Variants in WDFY4 observed in about 807,000 individuals in gnomAD.
WDFY4 encodes WD repeat- and FYVE domain-containing protein 4.
WDFY4 carries 169 observed loss-of-function variants against 351.9 expected under a neutral mutation model. That is an observed-to-expected ratio of 0.48 (90% CI 0.42 to 0.55). The LOEUF is 0.55. Among genes scored for constraint, WDFY4 ranks in the 20% least tolerant of loss-of-function variants. The pLI, the probability that WDFY4 is intolerant of heterozygous loss-of-function variation, is 0.00. For missense variants in WDFY4, 3,803 were observed against 3,935.6 expected (o/e 0.97, Z 0.90); for synonymous variants, 1,622 against 1,574.6 (o/e 1.03, Z -0.71).
chr10:48,941,610 A>T (rs1840767883), intron 47 of WDFY4, among the ~76,000 whole-genome samples, 196 bp from the exon 48 acceptor site: 1 of 152,214 alleles, frequency 6.6e-6, no homozygotes, highest in Non-Finnish European at 1.5e-5. Context: ...CCTAACCTTC[A>T]GCAGGCCAGG....
intron 20 of WDFY4, 98 bp downstream of exon 20, chr10:48,786,968 T>TA: frequency 9.4e-7 from 1 of 1,065,244 alleles, no homozygotes; most frequent in Non-Finnish European, 1.4e-6. Flanking sequence ...AGCTCAGCGT[T>TA]AAAGTCAGTC....
intron 51 of WDFY4, among the ~76,000 whole-genome samples, chr10:48,947,693 C>T (rs73296699): frequency 0.035 from 5,360 of 152,190 alleles, 339 homozygotes; most frequent in African/African-American, 0.12. Context: ...AGTTCCTTTC[C>T]CCTCTTCCCC....
chr10:48,874,843 T>C (rs2069932930), intron 41 of WDFY4, among the ~76,000 whole-genome samples: 1 of 152,192 alleles, frequency 6.6e-6, no homozygotes, highest in East Asian at 1.9e-4. Flanking sequence ...TCTTCTTTGG[T>C]AATTACCGTA....
chr10:48,946,836 C>G (rs760769195), intron 50 of WDFY4, 24 bp from the exon 51 acceptor site: 3 of 1,537,674 alleles, frequency 2.0e-6, no homozygotes, highest in Non-Finnish European at 2.6e-6. Context: ...GGAAGCAGCC[C>G]TCAAGCATGT....
chr10:48,954,772 A>G (rs1841505285), intron 51 of WDFY4, among the ~76,000 whole-genome samples: 1 of 152,236 alleles, frequency 6.6e-6, no homozygotes, highest in Non-Finnish European at 1.5e-5. Context: ...ATTAATTTTG[A>G]AACAAATGTA....
At chr10:48,905,065 T>C (rs181986181) in intron 47 of WDFY4, among the ~76,000 whole-genome samples, 9 of 152,304 alleles carry the variant, frequency 5.9e-5, no homozygotes, top group South Asian at 4.1e-4. Flanking sequence ...CTGGGCTCCA[T>C]TGTCTCTGCA....
At position 48,810,743 on chromosome 10, in the gene WDFY4, C is replaced by T. The variant is rs375957483; in HGVS notation, c.5044+8C>T. 9.4e-5 allele frequency: 142 copies of T among 1,513,662 alleles called. No homozygotes were observed. Among genetic ancestry groups the T allele is most frequent in the Middle Eastern group, 8.7e-4 (5 of 5,726 alleles). The allele number at this position is 1,513,662 out of a possible 1,614,324, so 93.8% of individuals were successfully genotyped here. ...GCGTGGATATTGTAATGGGTGAGCA[C>T]GTGGCTGTCTCCAGGGAGTGGGGCA... On this transcript the variant is annotated splice_region_variant and intron_variant, in intron 29 of 61. Coordinates refer to ENST00000325239, the MANE Select transcript of WDFY4 (RefSeq NM_001394531.1).
intron 13 of WDFY4, among the ~76,000 whole-genome samples, chr10:48,773,742 C>T (rs565904058): frequency 6.6e-5 from 10 of 152,318 alleles, no homozygotes; most frequent in Middle Eastern, 3.4e-3. Flanking sequence ...CTTCAGCAAA[C>T]GCTTCTCCCC....
At chr10:48,736,190 C>A in intron 11 of WDFY4, 120 bp downstream of exon 11, 1 of 1,166,200 alleles carries the variant, frequency 8.6e-7, no homozygotes, top group African/African-American at 1.5e-5. Flanking sequence ...CAGGCAGTAC[C>A]CTGTATTAGG....
At chr10:48,817,062 G>A (rs772871803) in intron 31 of WDFY4, among the ~76,000 whole-genome samples, 183 bp from the exon 32 acceptor site, 7 of 152,226 alleles carry the variant, frequency 4.6e-5, no homozygotes, top group African/African-American at 1.2e-4. Flanking sequence ...CCCTTACAAC[G>A]TCTGCACATA....
At chr10:48,787,874 CT>C (rs879621224) in intron 20 of WDFY4, among the ~76,000 whole-genome samples, 5,923 of 85,534 alleles carry the variant, frequency 0.069, 624 homozygotes, top group East Asian at 0.23. Flanking sequence ...CTTCTTTCTT[CT>C]TTCTTTCTTC....
intron 39 of WDFY4, among the ~76,000 whole-genome samples, chr10:48,858,349 T>C (rs553853945): frequency 3.3e-5 from 5 of 152,350 alleles, no homozygotes; most frequent in African/African-American, 9.6e-5. Context: ...TATAGTTTTA[T>C]GTTTTACATT....
chr10:48,787,799 T>TCCC lies in WDFY4; in HGVS notation c.3809-729_3809-728insCCC, dbSNP rs1330379698. On this transcript the variant is annotated intron_variant, in intron 20 of 61. Coordinates refer to ENST00000325239, the MANE Select transcript of WDFY4 (RefSeq NM_001394531.1). ...TTTTTCTTCCTCTTCCTCCTCCTCC[T>TCCC]CCTCCTCCTCTTCTTCTTCTTCTTC... is the stretch of plus-strand genomic sequence containing the variant. 1.4e-3 allele frequency among the ~76,000 whole-genome samples: 127 copies of TCCC among 93,056 alleles called. 5 individuals carry two copies. Among genetic ancestry groups the TCCC allele is most frequent in the African/African-American group, 5.4e-3 (118 of 21,854 alleles). The allele number at this position is 93,056 out of a possible 152,430, so 61.0% of individuals were successfully genotyped here.
intron 47 of WDFY4, among the ~76,000 whole-genome samples, chr10:48,904,624 G>A (rs1837523486): frequency 6.6e-6 from 1 of 152,102 alleles, no homozygotes; most frequent in Non-Finnish European, 1.5e-5. Context: ...CAGGGGCACC[G>A]ATGCCCCCAA....
chr10:48,716,880 G>A (rs763562346), intron 2 of WDFY4, among the ~76,000 whole-genome samples: 3 of 152,164 alleles, frequency 2.0e-5, no homozygotes, highest in Non-Finnish European at 4.4e-5. Context: ...AAATCATCTC[G>A]CCACAGAAAT....
intron 39 of WDFY4, among the ~76,000 whole-genome samples, chr10:48,835,363 T>G (rs1013905511): frequency 2.0e-5 from 3 of 152,108 alleles, no homozygotes; most frequent in African/African-American, 7.2e-5. Flanking sequence ...AGATAATTTA[T>G]GAAGAACATG....
At position 48,811,678 on chromosome 10, in the gene WDFY4, A is replaced by C; in HGVS notation, c.5184A>C (p.Thr1728=). The C allele has an allele frequency of 6.4e-7, 1 of 1,551,764 alleles. No homozygotes were observed. The highest frequency in any genetic ancestry group is 1.2e-5 in the South Asian group (1 of 84,058). ...TCGTCTCCACCTTCTTCCTGCAGAC[A>C]CCACTCACAGAGCTGATGGACGGGC... ...YLIVSTFFLQ[T]PLTELMDGPK... is the part of the protein sequence containing the mutation. Residue 1728 remains threonine, a synonymous_variant, in exon 30 of 62, where the codon ACA becomes ACC. Coordinates refer to ENST00000325239, the MANE Select transcript of WDFY4 (RefSeq NM_001394531.1).
At chr10:48,731,985 G>A (rs1052205127) in intron 9 of WDFY4, among the ~76,000 whole-genome samples, 1 of 152,182 alleles carries the variant, frequency 6.6e-6, no homozygotes, top group Non-Finnish European at 1.5e-5. Flanking sequence ...GTCTCCCACT[G>A]GGAGAGAGCT....
chr10:48,905,863 A>G (rs1837589011), intron 47 of WDFY4, among the ~76,000 whole-genome samples: 1 of 152,160 alleles, frequency 6.6e-6, no homozygotes, highest in Non-Finnish European at 1.5e-5. Flanking sequence ...GAATCACCTG[A>G]TGTGTGTTTG....
Sources: allele counts gnomAD v4.1 joint callset (sites outside exome capture counted in the v4.1 genomes callset), GRCh38; gene constraint gnomAD v4.1.1; transcripts MANE v1.5; gene names NCBI Gene and HGNC (gene_info 2026-07-23, HGNC 2026-07-21).